Variants in DLG2 observed in about 807,000 individuals in gnomAD.
DLG2 encodes the protein discs large MAGUK scaffold protein 2, also known as disks large homolog 2.
A neutral mutation model predicts 132.5 loss-of-function variants in DLG2; 45 were observed. The observed-to-expected ratio is 0.34, with a 90% CI of 0.27 to 0.44. The LOEUF (loss-of-function observed/expected upper bound fraction) is 0.44, where lower values mean the gene tolerates loss of function less well. DLG2 is among the 20% of genes least tolerant of loss of function. DLG2 has a pLI of 1.00. For missense variants in DLG2, 1,045 were observed against 1,196.9 expected, an observed-to-expected ratio of 0.87 and a Z score of 1.87; for synonymous variants, 424 against 419.6, an observed-to-expected ratio of 1.01 and a Z score of -0.13.
chr11:84,575,450 T>A (rs2099497260), intron 6 of DLG2, among the ~76,000 whole-genome samples: 1 of 152,156 alleles, frequency 6.6e-6, no homozygotes, highest in South Asian at 2.1e-4. Context: ...GGTATTATCC[T>A]TCCATTTCCA....
At chr11:85,445,018 AAAAT>A (rs1403568862) in intron 3 of DLG2, among the ~76,000 whole-genome samples, 8 of 152,230 alleles carry the variant, frequency 5.3e-5, no homozygotes, top group Admixed American at 5.2e-4. Flanking sequence ...AACCAAAAAT[AAAAT>A]AAGAGAAAGA....
chr11:84,173,626 T>A (rs1201762336), intron 8 of DLG2, among the ~76,000 whole-genome samples: 1 of 152,216 alleles, frequency 6.6e-6, no homozygotes, highest in Non-Finnish European at 1.5e-5. Context: ...GAGTATAATA[T>A]GACTGTAGCA....
At chr11:83,782,739 G>C (rs2094884134) in intron 18 of DLG2, among the ~76,000 whole-genome samples, 1 of 152,080 alleles carries the variant, frequency 6.6e-6, no homozygotes, top group South Asian at 2.1e-4. Flanking sequence ...AGGGGTGAGT[G>C]GGGTGAGTTG....
rs760569678 is a variant in DLG2, at chr11:83,786,710, A to G, written c.1805T>C (p.Ile602Thr). The change falls in exon 18 of 28, where the codon ATA becomes ACA. Residue 602 changes from isoleucine (I) to threonine (T), a missense_variant. Physicochemically the swap from Ile to Thr is moderately conservative, Grantham distance 89. Around this residue, in one of 4 missense-constraint regions of DLG2, gnomAD observed 398 missense variants for 543.6 expected, o/e 0.73. Coordinates refer to ENST00000376104, the MANE Select transcript of DLG2 (RefSeq NM_001142699.3). ...LKGAGQTVTI[I>T]AQYQPEDYAR... is the part of the protein sequence containing the mutation. ...CTGACCTTCAGGTTGATATTGTGCT[A>G]TAATCGTCACTGTCTGTCCAGCCCC... 2 of 1,614,152 alleles carry G rather than the reference A, an allele frequency of 1.2e-6. No homozygotes were observed. The highest frequency in any genetic ancestry group is 1.7e-6 in the Non-Finnish European group (2 of 1,180,002).
intron 17 of DLG2, among the ~76,000 whole-genome samples, chr11:83,826,700 C>T (rs923772346): frequency 7.9e-5 from 12 of 152,246 alleles, no homozygotes; most frequent in Non-Finnish European, 1.2e-4. Flanking sequence ...AAGAGTATGT[C>T]CTGGCTGATA....
chr11:83,706,885 C>G (rs774382960), intron 18 of DLG2, among the ~76,000 whole-genome samples: 6 of 152,170 alleles, frequency 3.9e-5, no homozygotes, highest in Non-Finnish European at 8.8e-5. Flanking sequence ...AGAAAAAATG[C>G]AAGACTGAGT....
At chr11:84,448,711 T>C (rs1227363000) in intron 7 of DLG2, among the ~76,000 whole-genome samples, 1 of 152,070 alleles carries the variant, frequency 6.6e-6, no homozygotes, top group African/African-American at 2.4e-5. Flanking sequence ...ACTTTGTACA[T>C]AACTCAGATT....
At chr11:83,666,870 T>C (rs1804064351) in intron 18 of DLG2, among the ~76,000 whole-genome samples, 1 of 152,146 alleles carries the variant, frequency 6.6e-6, no homozygotes, top group Admixed American at 6.5e-5. Flanking sequence ...ATCCAACCTC[T>C]AAATACAGAG....
chr11:83,844,063 T>C (rs767188308), intron 16 of DLG2, among the ~76,000 whole-genome samples: 2 of 152,170 alleles, frequency 1.3e-5, no homozygotes, highest in Non-Finnish European at 2.9e-5. Flanking sequence ...TGTTAGTGTC[T>C]AGATTTGATG....
Position 84,359,854 on chromosome 11 carries a change from C to A in DLG2, c.520-108563G>T, listed in dbSNP as rs1379614636. 2.0e-5 allele frequency among the ~76,000 whole-genome samples: 3 copies of A among 151,886 alleles called. No individual in the cohort carries two copies. The East Asian group carries it at 5.8e-4, about 29-fold the overall frequency. On this transcript the variant is annotated intron_variant, in intron 7 of 27. Coordinates refer to ENST00000376104, the MANE Select transcript of DLG2 (RefSeq NM_001142699.3). ...CTATTATGCTTTCTCCACAGTAATA[C>A]ACTTGGTTCTAAATCTTGGCAATTC...
chr11:85,193,921 T>G (rs1023727404), intron 4 of DLG2, among the ~76,000 whole-genome samples: 1 of 152,236 alleles, frequency 6.6e-6, no homozygotes, highest in Non-Finnish European at 1.5e-5. Context: ...TCTTAGGCTC[T>G]GGGTAGCCAG....
intron 26 of DLG2, among the ~76,000 whole-genome samples, chr11:83,465,897 G>A (rs1339913418): frequency 2.0e-5 from 3 of 152,154 alleles, no homozygotes; most frequent in African/African-American, 7.2e-5. Context: ...GTCCCTGCTG[G>A]TAGCCCCTTT....
At chr11:85,566,775 G>A (rs1565694437) in intron 3 of DLG2, among the ~76,000 whole-genome samples, 1 of 152,098 alleles carries the variant, frequency 6.6e-6, no homozygotes, top group Non-Finnish European at 1.5e-5. Flanking sequence ...CTACATCTAT[G>A]TTTCCTTCTA....
intron 6 of DLG2, among the ~76,000 whole-genome samples, chr11:84,575,981 A>G (rs992686938): frequency 6.6e-6 from 1 of 152,184 alleles, no homozygotes; most frequent in African/African-American, 2.4e-5. Context: ...TCCTTGCCTA[A>G]GACTTTGAAC....
intron 18 of DLG2, chr11:83,651,461 C>T (rs992471084): frequency 1.2e-5 from 2 of 165,406 alleles, no homozygotes; most frequent in African/African-American, 2.4e-5. Context: ...ATTCTCTTCA[C>T]AATAAATTGA....
intron 6 of DLG2, among the ~76,000 whole-genome samples, chr11:84,572,817 C>T (rs2099488847): frequency 6.6e-6 from 1 of 152,070 alleles, no homozygotes; most frequent in African/African-American, 2.4e-5. Context: ...CTCAGTGTTC[C>T]ATCACTGTCA....
chr11:83,846,393 G>C (rs902688041), intron 16 of DLG2, among the ~76,000 whole-genome samples: 3 of 152,142 alleles, frequency 2.0e-5, no homozygotes, highest in African/African-American at 7.2e-5. Flanking sequence ...TGTACTCAGG[G>C]GAGACTTTGT....
intron 3 of DLG2, among the ~76,000 whole-genome samples, chr11:85,542,813 G>A (rs1378569861): frequency 1.3e-5 from 2 of 152,080 alleles, no homozygotes; most frequent in African/African-American, 2.4e-5. Flanking sequence ...TAGCCCAAGG[G>A]CATTTATTTA....
intron 18 of DLG2, chr11:83,646,974 G>A (rs2068393358): frequency 6.6e-6 from 1 of 152,032 alleles, no homozygotes; most frequent in Non-Finnish European, 1.5e-5. Flanking sequence ...TTGATTCTCT[G>A]GATTCTTTGT....
Sources: gnomAD v4.1 joint callset for allele counts (sites outside exome capture counted in the v4.1 genomes callset) on GRCh38, gnomAD v4.1.1 for gene constraint, gnomAD v4.1.1 regional missense constraint, MANE v1.5 for transcripts, NCBI Gene and HGNC (gene_info 2026-07-23, HGNC 2026-07-21) for gene names.